Variants in MPHOSPH9 observed in about 807,000 individuals in gnomAD.
MPHOSPH9 encodes the protein M-phase phosphoprotein 9.
A neutral mutation model predicts 145.5 loss-of-function variants in MPHOSPH9; 88 were observed. The observed-to-expected ratio is 0.60, with a 90% CI of 0.51 to 0.72. The LOEUF (loss-of-function observed/expected upper bound fraction) is 0.72, where lower values mean the gene tolerates loss of function less well. Ranked by LOEUF, MPHOSPH9 falls within the 30% of genes least tolerant of loss-of-function variation. The pLI, the probability that MPHOSPH9 is intolerant of heterozygous loss-of-function variation, is 0.00. For missense variants in MPHOSPH9, 1,238 were observed against 1,386.6 expected (o/e 0.89, Z 1.70); for synonymous variants, 435 against 486.2 (o/e 0.89, Z 1.39).
At chr12:123,203,928 C>A (rs1308528313) in intron 8 of MPHOSPH9, among the ~76,000 whole-genome samples, 1 of 152,140 alleles carries the variant, frequency 6.6e-6, no homozygotes, top group Non-Finnish European at 1.5e-5. Context: ...CTCAAGCAAT[C>A]CTCCCACCTT....
chr12:123,219,506 T>C (rs1475887878), intron 5 of MPHOSPH9, among the ~76,000 whole-genome samples: 2 of 148,320 alleles, frequency 1.3e-5, no homozygotes, highest in African/African-American at 5.0e-5. Context: ...TGAGCCGAGA[T>C]TGCGCCACTG....
At chr12:123,186,227 C>CAA (rs35294099) in intron 13 of MPHOSPH9, among the ~76,000 whole-genome samples, 125 of 101,082 alleles carry the variant, frequency 1.2e-3, no homozygotes, top group South Asian at 1.8e-3. Flanking sequence ...AACTCCGTCT[C>CAA]AAAAAAAAAA....
At chr12:123,206,555 T>C (rs568187013) in intron 8 of MPHOSPH9, among the ~76,000 whole-genome samples, 162 of 151,660 alleles carry the variant, frequency 1.1e-3, no homozygotes, top group African/African-American at 3.7e-3. Context: ...TATAACACTC[T>C]GAGAAGGAAA....
At chr12:123,242,847 T>G (rs1440701767) in intron 1 of MPHOSPH9, among the ~76,000 whole-genome samples, 2 of 152,232 alleles carry the variant, frequency 1.3e-5, no homozygotes, top group Non-Finnish European at 2.9e-5. Context: ...GCCAGCGCTG[T>G]CCTGCCTGGT....
intron 12 of MPHOSPH9, among the ~76,000 whole-genome samples, chr12:123,196,784 A>C (rs2045965341): frequency 2.0e-5 from 3 of 152,192 alleles, no homozygotes; most frequent in African/African-American, 4.8e-5. Flanking sequence ...GTAAACAAAA[A>C]TGTGGTATTA....
chr12:123,234,195 C>T (rs567263303), upstream of MPHOSPH9, among the ~76,000 whole-genome samples: 16 of 152,268 alleles, frequency 1.1e-4, no homozygotes, highest in Admixed American at 7.2e-4. Flanking sequence ...CATAGTTAAC[C>T]TTTAAGGTCT....
chr12:123,207,303 TG>T (rs2046477743), intron 8 of MPHOSPH9, among the ~76,000 whole-genome samples: 3 of 152,116 alleles, frequency 2.0e-5, no homozygotes, highest in Admixed American at 1.3e-4. Context: ...CTGTGAGCCC[TG>T]CAATTGCAAA....
chr12:123,242,892 G>C (rs1355673759), intron 1 of MPHOSPH9, among the ~76,000 whole-genome samples: 2 of 152,182 alleles, frequency 1.3e-5, no homozygotes, highest in Non-Finnish European at 2.9e-5. Context: ...AAACTCAGAA[G>C]TGCGGGGCTC....
intron 1 of MPHOSPH9, among the ~76,000 whole-genome samples, chr12:123,232,454 T>A (rs1323788303): frequency 6.6e-6 from 1 of 152,002 alleles, no homozygotes; most frequent in East Asian, 1.9e-4. Flanking sequence ...GATATGACGC[T>A]TTTGGTGTCC....
At chr12:123,219,562 A>C (rs1315742108) in intron 5 of MPHOSPH9, among the ~76,000 whole-genome samples, 1 of 151,552 alleles carries the variant, frequency 6.6e-6, no homozygotes, top group African/African-American at 2.4e-5. Context: ...CAAAAAAAAA[A>C]AAAAAAAAAA....
intron 7 of MPHOSPH9, among the ~76,000 whole-genome samples, chr12:123,211,772 C>A (rs2046734246): frequency 7.1e-6 from 1 of 140,830 alleles, no homozygotes; most frequent in Admixed American, 7.5e-5. Flanking sequence ...CAGCTCACTA[C>A]AGCCCTGACC....
At position 123,193,055 on chromosome 12, in the gene MPHOSPH9, G is replaced by A. The variant is rs372083046; in HGVS notation, c.2241+1331C>T. 5.4e-4 allele frequency among the ~76,000 whole-genome samples: 70 copies of A among 128,926 alleles called. No homozygotes were observed. The East Asian group carries it at 0.011, about 20-fold the overall frequency. 84.6% of individuals were successfully genotyped at this position (128,926 alleles called of 152,430 possible). ...CCACTGCACTCCAGCCTGGGCGACA[G>A]AGAGGGATTGTCTTTCAAAAAAAAA... On this transcript the variant is annotated intron_variant, in intron 13 of 23. Transcript: ENST00000606320.
intron 15 of MPHOSPH9, among the ~76,000 whole-genome samples, chr12:123,177,359 C>A (rs1222807423): frequency 6.6e-6 from 1 of 151,772 alleles, no homozygotes; most frequent in African/African-American, 2.4e-5. Flanking sequence ...CATGGTGAAA[C>A]CCCCATCTCT....
intron 1 of MPHOSPH9, among the ~76,000 whole-genome samples, chr12:123,232,498 A>G (rs1365364174): frequency 2.0e-5 from 3 of 152,170 alleles, no homozygotes; most frequent in African/African-American, 7.2e-5. Flanking sequence ...GCTGGGGAAA[A>G]GGAACGATTG....
At chr12:123,188,898 T>C (rs1265861886) in intron 13 of MPHOSPH9, among the ~76,000 whole-genome samples, 1 of 152,114 alleles carries the variant, frequency 6.6e-6, no homozygotes, top group East Asian at 1.9e-4. Context: ...TAGCCAGGTG[T>C]GGTGGCGTAT....
At chr12:123,235,979 G>A (rs535556906), upstream of MPHOSPH9, among the ~76,000 whole-genome samples, 6 of 152,088 alleles carry the variant, frequency 3.9e-5, no homozygotes, top group East Asian at 7.8e-4. Flanking sequence ...CAGGAGAATC[G>A]CTGGAACCCG....
downstream of MPHOSPH9, among the ~76,000 whole-genome samples, chr12:123,154,014 C>T (rs2043816283): frequency 6.6e-6 from 1 of 152,146 alleles, no homozygotes. Context: ...ACAACCCTAG[C>T]ACGGCCACTT....
At chr12:123,163,893 G>C in intron 19 of MPHOSPH9, 57 bp downstream of exon 19, 1 of 1,603,332 alleles carries the variant, frequency 6.2e-7, no homozygotes, top group Non-Finnish European at 8.5e-7. Context: ...GGCACAAATA[G>C]ATTTGACTCA....
chr12:123,203,747 G>A (rs2138368470), intron 8 of MPHOSPH9, among the ~76,000 whole-genome samples: 1 of 152,162 alleles, frequency 6.6e-6, no homozygotes, highest in East Asian at 1.9e-4. Flanking sequence ...GCAGTGGTGT[G>A]ATCATGGTTC....
Sources: gnomAD v4.1 joint callset for allele counts (sites outside exome capture counted in the v4.1 genomes callset) on GRCh38, gnomAD v4.1.1 for gene constraint, MANE v1.5 for transcripts, NCBI Gene and HGNC (gene_info 2026-07-23, HGNC 2026-07-21) for gene names.